LDLRAD4: variants seen among roughly 807,000 people sequenced by gnomAD.
LDLRAD4 encodes the protein low density lipoprotein receptor class A domain containing 4.
Under a neutral mutation model 17.0 loss-of-function variants are expected in LDLRAD4, and 5 were observed. That is an observed-to-expected ratio of 0.29 (90% CI 0.15 to 0.62). The LOEUF is 0.62. Among genes scored for constraint, LDLRAD4 ranks in the 20% least tolerant of loss-of-function variants. The pLI is 0.84. For missense variants in LDLRAD4, 340 were observed against 424.7 expected, an observed-to-expected ratio of 0.80 and a Z score of 1.75; for synonymous variants, 168 against 171.8, an observed-to-expected ratio of 0.98 and a Z score of 0.17.
chr18:13,646,921 T>G (rs2043036143), exon 6 of LDLRAD4: 1 of 152,360 alleles, frequency 6.6e-6, no homozygotes. Flanking sequence ...TGGTTTCTTA[T>G]GCTTTGGAAG....
intron 3 of LDLRAD4, among the ~76,000 whole-genome samples, chr18:13,546,550 G>A (rs1312887074): frequency 6.6e-6 from 1 of 151,712 alleles, no homozygotes; most frequent in Non-Finnish European, 1.5e-5. Context: ...TGCATTTTTT[G>A]TAGAGACAGG....
exon 6 of LDLRAD4, chr18:13,651,370 TTAC>T (rs1222719058): frequency 6.6e-6 from 1 of 152,030 alleles, no homozygotes; most frequent in Non-Finnish European, 1.5e-5. Flanking sequence ...ACAAATACAC[TTAC>T]AAGAAGACCC....
At chr18:13,431,944 T>A (rs2090361379) in intron 2 of LDLRAD4, among the ~76,000 whole-genome samples, 1 of 152,188 alleles carries the variant, frequency 6.6e-6, no homozygotes, top group African/African-American at 2.4e-5. Flanking sequence ...TTGAGTGAGG[T>A]CAGAGCGTCA....
At chr18:13,546,885 GC>G (rs1461264018) in intron 3 of LDLRAD4, among the ~76,000 whole-genome samples, 4 of 152,234 alleles carry the variant, frequency 2.6e-5, no homozygotes, top group African/African-American at 9.6e-5. Context: ...CACACAGAAA[GC>G]CAGTTGGCTT....
At chr18:13,256,360 C>A in intron 1 of LDLRAD4, among the ~76,000 whole-genome samples, 1 of 152,134 alleles carries the variant, frequency 6.6e-6, no homozygotes, top group Non-Finnish European at 1.5e-5. Flanking sequence ...CTCTGAGTCA[C>A]CCTCCTGGGG....
intron 4 of LDLRAD4, among the ~76,000 whole-genome samples, chr18:13,626,468 C>A (rs1312050186): frequency 2.6e-5 from 4 of 152,138 alleles, no homozygotes; most frequent in African/African-American, 9.7e-5. Flanking sequence ...GGATGGCATG[C>A]AGGCAGAAGG....
intron 3 of LDLRAD4, among the ~76,000 whole-genome samples, chr18:13,604,808 C>G (rs1036201472): frequency 2.6e-5 from 4 of 152,180 alleles, no homozygotes; most frequent in African/African-American, 9.7e-5. Context: ...CTTCAACACC[C>G]TCCCACCCAG....
At chr18:13,219,966 A>G (rs960811652) in intron 1 of LDLRAD4, among the ~76,000 whole-genome samples, 3 of 152,228 alleles carry the variant, frequency 2.0e-5, no homozygotes, top group African/African-American at 7.2e-5. Flanking sequence ...TTCTTCTGGA[A>G]TATAGTCTTT....
At chr18:13,495,186 A>G (rs2147167538) in intron 3 of LDLRAD4, among the ~76,000 whole-genome samples, 1 of 152,278 alleles carries the variant, frequency 6.6e-6, no homozygotes, top group East Asian at 1.9e-4. Flanking sequence ...ACACCAGTAA[A>G]TCTACAGTTT....
intron 3 of LDLRAD4, among the ~76,000 whole-genome samples, chr18:13,509,083 A>G (rs142679392): frequency 6.6e-6 from 1 of 152,264 alleles, no homozygotes; most frequent in Admixed American, 6.5e-5. Context: ...CTGGAGGATC[A>G]CCTGAGCCCA....
intron 4 of LDLRAD4, among the ~76,000 whole-genome samples, chr18:13,635,425 A>C (rs533803763): frequency 5.9e-5 from 9 of 152,236 alleles, no homozygotes; most frequent in African/African-American, 2.2e-4. Flanking sequence ...ATCTCCCCCC[A>C]AAAAAGTGCC....
chr18:13,250,270 T>C (rs1213322554), intron 1 of LDLRAD4, among the ~76,000 whole-genome samples: 1 of 152,236 alleles, frequency 6.6e-6, no homozygotes, highest in African/African-American at 2.4e-5. Context: ...AATTTTGTTC[T>C]TTTTGCTCAG....
intron 3 of LDLRAD4, among the ~76,000 whole-genome samples, chr18:13,604,709 A>G (rs748282062): frequency 5.3e-5 from 8 of 152,226 alleles, no homozygotes; most frequent in Non-Finnish European, 7.3e-5. Context: ...CTGAGTAACT[A>G]CATCAAGCAT....
At chr18:13,390,693 A>G (rs2086205008) in intron 2 of LDLRAD4, among the ~76,000 whole-genome samples, 1 of 151,562 alleles carries the variant, frequency 6.6e-6, no homozygotes, top group Admixed American at 6.6e-5. Context: ...CCATTCCTTC[A>G]GCAGGGGGGA....
intron 3 of LDLRAD4, among the ~76,000 whole-genome samples, chr18:13,617,383 A>G (rs1395441233): frequency 2.6e-5 from 4 of 152,240 alleles, no homozygotes; most frequent in Non-Finnish European, 5.9e-5. Context: ...TCAGACCAAA[A>G]GAGGAATAAA....
chr18:13,379,930 G>C (rs993773624), intron 1 of LDLRAD4, among the ~76,000 whole-genome samples: 2 of 152,046 alleles, frequency 1.3e-5, no homozygotes, highest in Admixed American at 1.3e-4. Context: ...AGCTGGAGTG[G>C]GGGAGATCCC....
intron 1 of LDLRAD4, among the ~76,000 whole-genome samples, chr18:13,254,857 A>G (rs1049659911): frequency 6.6e-6 from 1 of 152,204 alleles, no homozygotes; most frequent in Non-Finnish European, 1.5e-5. Flanking sequence ...CCAGCAACTT[A>G]GGAGCGTGAG....
intron 1 of LDLRAD4, among the ~76,000 whole-genome samples, chr18:13,284,712 T>C (rs182204988): frequency 6.6e-6 from 1 of 152,178 alleles, no homozygotes; most frequent in Non-Finnish European, 1.5e-5. Flanking sequence ...AGTCCTCTGG[T>C]GCGGTTTGGG....
rs548330802 is a variant in LDLRAD4, at chr18:13,442,112, A to G, written c.181+3728A>G. The stretch of plus-strand genomic sequence containing the variant: ...ACACAAACACAATTATTTGTTATTT[A>G]CACAAATAAAATAATTATACAAATT... On this transcript the variant is annotated intron_variant, in intron 3 of 5. Transcript: ENST00000359446. Among the ~76,000 whole-genome samples, 9 of 152,352 alleles carry G rather than the reference A, an allele frequency of 5.9e-5. No individual in the cohort carries two copies. The East Asian group carries it at 1.7e-3, about 29-fold the overall frequency.
Sources: allele counts gnomAD v4.1 joint callset (sites outside exome capture counted in the v4.1 genomes callset), GRCh38; gene constraint gnomAD v4.1.1; transcripts MANE v1.5; gene names NCBI Gene and HGNC (gene_info 2026-07-23, HGNC 2026-07-21).